Variants in OAS2 observed in about 807,000 individuals in gnomAD.
OAS2 encodes the protein 2'-5'-oligoadenylate synthetase 2.
A neutral mutation model predicts 71.3 loss-of-function variants in OAS2; 67 were observed. The observed-to-expected ratio is 0.94, with a 90% CI of 0.77 to 1.15. The LOEUF (loss-of-function observed/expected upper bound fraction) is 1.15, where lower values mean the gene tolerates loss of function less well. Among genes scored for constraint, OAS2 ranks in the 50% most tolerant of loss-of-function variants. OAS2 has a pLI of 0.00. For missense variants in OAS2, 789 were observed against 822.5 expected, an observed-to-expected ratio of 0.96 and a Z score of 0.50; for synonymous variants, 327 against 321.8, an observed-to-expected ratio of 1.02 and a Z score of -0.17.
At chr12:113,000,340 G>C (rs920092142) in intron 5 of OAS2, among the ~76,000 whole-genome samples, 1 of 152,182 alleles carries the variant, frequency 6.6e-6, no homozygotes, top group Non-Finnish European at 1.5e-5. Context: ...GATACTCACT[G>C]TGGCTGTTTT....
intron 5 of OAS2, among the ~76,000 whole-genome samples, chr12:113,001,919 C>T (rs187953960): frequency 6.0e-5 from 9 of 151,184 alleles, no homozygotes; most frequent in Non-Finnish European, 1.3e-4. Flanking sequence ...CCTGTAGTCC[C>T]AGCTACTCAG....
rs2044052417 is a variant in OAS2 at position 112,978,782 on chromosome 12, C to T, written c.174C>T (p.Ala58=). ...AGTTCCCCCTGGTGCAGGGAGTGGC[C>T]ATAGTGAGTCCAGGGCTGAGGTTGG... is the stretch of plus-strand genomic sequence containing the variant. ...PEQFPLVQGV[A]IGGSYGRKTV... The change falls in exon 1 of 10, where the codon GCC becomes GCT. Residue 58 remains alanine (A), a synonymous_variant. Transcript: ENST00000392583. This position sits in a 1 kb window ranked among gnomAD's most constrained non-coding sequence, Gnocchi z 4.2. 6.2e-7 allele frequency: 1 copy of T among 1,612,152 alleles called. No homozygotes were observed. Among genetic ancestry groups the T allele is most frequent in the Non-Finnish European group, 8.5e-7 (1 of 1,178,808 alleles).
At chr12:112,994,468 C>T (rs935543110) in intron 2 of OAS2, among the ~76,000 whole-genome samples, 1 of 152,130 alleles carries the variant, frequency 6.6e-6, no homozygotes, top group Non-Finnish European at 1.5e-5. Flanking sequence ...GTCACCCAGG[C>T]TGGAGTGCAG....
rs763945267 is a variant in OAS2, at chr12:113,004,915, A to G, written c.1180-19A>G. The G allele has an allele frequency of 2.5e-6, 4 of 1,610,176 alleles. No homozygotes were observed. In the African/African-American group the frequency reaches 5.4e-5, roughly 22 times the overall value. On this transcript the variant is annotated intron_variant, in intron 6 of 9. Transcript: ENST00000392583. ...TCGGTTAAGGAAATTCTGGATCTCAACCTTCCTTTCTTCCTTAGGGAGGAT... is the reference window on the plus strand; with the variant it reads ...TCGGTTAAGGAAATTCTGGATCTCAGCCTTCCTTTCTTCCTTAGGGAGGAT...
chr12:113,003,811 G>T (rs533020375), intron 6 of OAS2, among the ~76,000 whole-genome samples: 1 of 152,208 alleles, frequency 6.6e-6, no homozygotes, highest in Non-Finnish European at 1.5e-5. Context: ...TTATGTACGC[G>T]TAAATTTCTG....
In OAS2 at chr12:113,003,026, GT is replaced by G. The variant is rs2044303052; in HGVS notation, c.1104del (p.Ser368ArgfsTer36). Reference sequence around the variant, plus strand: ...AAATGCTTCCTAGAGCAGATTGACAGTGCTGTTAACATCATCCGTACATTCC... The same window carrying G: ...AAATGCTTCCTAGAGCAGATTGACAGGCTGTTAACATCATCCGTACATTCC... ...PNKCFLEQID[S>X]AVNIIRTFLK... On this transcript the variant is annotated frameshift_variant, in exon 6 of 10. Transcript: ENST00000392583. LOFTEE classifies it high-confidence loss of function. 2.5e-6 allele frequency: 4 copies of G among 1,614,044 alleles called. No individual in the cohort carries two copies. The highest frequency in any genetic ancestry group is 3.4e-6 in the Non-Finnish European group (4 of 1,179,996).
Position 113,010,195 on chromosome 12 carries a change from G to A in OAS2, c.*940G>A. 1 of 1,356,720 alleles carries A rather than the reference G, an allele frequency of 7.4e-7. No homozygotes were observed. 84.0% of individuals were successfully genotyped at this position (1,356,720 alleles called of 1,614,324 possible). A position where few individuals can be genotyped will look rare whatever the true frequency, so the allele number is the denominator to read the frequency against. On this transcript the variant is annotated 3_prime_UTR_variant, in exon 10 of 10. Coordinates refer to ENST00000392583, the MANE Select transcript of OAS2 (RefSeq NM_002535.3). ...GGGAATGTAGGGAAGAGGTGGCCAA[G>A]CCAACCGTGGGGTTAGCTCTAATTA... is the stretch of plus-strand genomic sequence containing the variant.
At chr12:112,995,173 T>C (rs2136385620) in intron 2 of OAS2, 123 bp from the exon 3 acceptor site, 1 of 824,056 alleles carries the variant, frequency 1.2e-6, no homozygotes, top group Non-Finnish European at 1.9e-6. Flanking sequence ...GTACCTGTCC[T>C]CTGACCGATT....
Position 112,987,191 on chromosome 12 carries a change from A to G in OAS2, c.331A>G (p.Thr111Ala), listed in dbSNP as rs1425763772. 1 of 1,614,182 alleles carries G rather than the reference A, an allele frequency of 6.2e-7. No individual in the cohort carries two copies. Among genetic ancestry groups the G allele is most frequent in the East Asian group, 2.2e-5 (1 of 44,884 alleles). Residue 111 changes from threonine to alanine, a missense_variant, in exon 2 of 10, where the codon ACG becomes GCG. Transcript: ENST00000392583. ...GGATAAGCTGAAGTTCTGTCTGTTCACGAAGTGGTTGAAAAACAATTTCGA... is the reference window on the plus strand; with the variant it reads ...GGATAAGCTGAAGTTCTGTCTGTTCGCGAAGTGGTTGAAAAACAATTTCGA... ...TGDKLKFCLF[T>A]KWLKNNFEIQ... is the part of the protein sequence containing the mutation.
rs748729883 is a variant in OAS2, at chr12:112,997,641, C to G, written c.749C>G (p.Thr250Ser). 1 of 1,614,106 alleles carries G rather than the reference C, an allele frequency of 6.2e-7. No individual in the cohort carries two copies. The highest frequency in any genetic ancestry group is 1.1e-5 in the South Asian group (1 of 91,076). The change falls in exon 4 of 10, where the codon ACC (threonine) becomes AGC (serine). Residue 250 changes from threonine to serine, a missense_variant. Physicochemically the swap from Thr to Ser is moderately conservative, Grantham distance 58 (BLOSUM62 1). Coordinates refer to ENST00000392583, the MANE Select transcript of OAS2 (RefSeq NM_002535.3). ...TTTGACATTGCTGAAGGCGTCAGAA[C>G]CGTACTGGAGCTGATCAAATGCCAG... ...DNFDIAEGVR[T>S]VLELIKCQEK... is the part of the protein sequence containing the mutation.
intron 2 of OAS2, among the ~76,000 whole-genome samples, chr12:112,989,999 T>A (rs544903629): frequency 3.0e-4 from 45 of 152,288 alleles, no homozygotes; most frequent in African/African-American, 9.4e-4. Flanking sequence ...CCACCAGGGA[T>A]GGGGCAATGG....
At chr12:113,003,240 G>C (rs950947042) in intron 6 of OAS2, 138 bp downstream of exon 6, 11 of 861,146 alleles carry the variant, frequency 1.3e-5, no homozygotes, top group Non-Finnish European at 1.8e-5. Flanking sequence ...GGAGTTAAGG[G>C]AACTAGGACA....
chr12:112,982,005 T>C (rs138670421), intron 1 of OAS2, among the ~76,000 whole-genome samples: 37 of 152,234 alleles, frequency 2.4e-4, no homozygotes, highest in Non-Finnish European at 4.7e-4. Flanking sequence ...TTTCAGCTAG[T>C]TCATTACTGA....
At chr12:112,988,823 A>G (rs1455116626) in intron 2 of OAS2, 1 of 731,928 alleles carries the variant, frequency 1.4e-6, no homozygotes. Flanking sequence ...CCTGCCTTGA[A>G]TTCTTTCCTG....
intron 3 of OAS2, among the ~76,000 whole-genome samples, chr12:112,996,379 C>A (rs1337505159): frequency 6.6e-6 from 1 of 152,022 alleles, no homozygotes; most frequent in Admixed American, 6.5e-5. Flanking sequence ...TACATATATG[C>A]GTGTAAATAT....
intron 3 of OAS2, among the ~76,000 whole-genome samples, chr12:112,996,062 A>G (rs1402688654): frequency 1.3e-5 from 2 of 152,320 alleles, no homozygotes; most frequent in East Asian, 3.9e-4. Flanking sequence ...TCAGCCTCCC[A>G]AAGTGTTGGG....
intron 6 of OAS2, 65 bp downstream of exon 6, chr12:113,003,167 G>A: frequency 6.5e-7 from 1 of 1,533,782 alleles, no homozygotes; most frequent in Non-Finnish European, 9.0e-7. Flanking sequence ...TGGAAGGGAG[G>A]TAAGTGGGCA....
chr12:112,990,690 C>A (rs532144993), intron 2 of OAS2, among the ~76,000 whole-genome samples: 2 of 152,230 alleles, frequency 1.3e-5, no homozygotes, highest in African/African-American at 4.8e-5. Flanking sequence ...GGGTAAAATA[C>A]TTTTGATTTC....
In OAS2 at chr12:113,011,599, T is replaced by C. The variant is rs1351006714; in HGVS notation, c.*2344T>C. On this transcript the variant is annotated 3_prime_UTR_variant, in exon 10 of 10. Transcript: ENST00000392583. ...TCCAATGTACTAGGAAGGTAGCGCATCTTGATTCCACAGGGACAAAGGCTC... is the reference window on the plus strand; with the variant it reads ...TCCAATGTACTAGGAAGGTAGCGCACCTTGATTCCACAGGGACAAAGGCTC... 1.3e-5 allele frequency: 2 copies of C among 152,382 alleles called. No individual in the cohort carries two copies. Among genetic ancestry groups the C allele is most frequent in the East Asian group, 3.9e-4 (2 of 5,190 alleles). The allele number at this position is 152,382 out of a possible 1,614,324, so 9.4% of individuals were successfully genotyped here. A position where few individuals can be genotyped will look rare whatever the true frequency, so the allele number is the denominator to read the frequency against.
Sources: allele counts gnomAD v4.1 joint callset (sites outside exome capture counted in the v4.1 genomes callset), GRCh38; gene constraint gnomAD v4.1.1; non-coding constraint Gnocchi (gnomAD v3.1); transcripts MANE v1.5; gene names NCBI Gene and HGNC (gene_info 2026-07-23, HGNC 2026-07-21).